SPON1: variants seen among roughly 807,000 people sequenced by gnomAD.
SPON1 encodes the protein spondin-1.
A neutral mutation model predicts 111.7 loss-of-function variants in SPON1; 52 were observed. The ratio of observed to expected loss-of-function variants is 0.47; its 90% CI spans 0.37 to 0.59. The LOEUF (loss-of-function observed/expected upper bound fraction) is 0.59. SPON1 is among the 20% of genes least tolerant of loss of function. The pLI is 0.00. For missense variants in SPON1, 957 were observed against 1,068.5 expected (o/e 0.90, Z 1.46); for synonymous variants, 410 against 395.8 (o/e 1.04, Z -0.43).
At chr11:14,142,588 T>C (rs1554928886) in intron 6 of SPON1, among the ~76,000 whole-genome samples, 1 of 152,200 alleles carries the variant, frequency 6.6e-6, no homozygotes, top group Non-Finnish European at 1.5e-5. Context: ...CCTCCCTTCC[T>C]TGGAACAGCC....
chr11:14,134,096 G>A (rs1345979180), intron 5 of SPON1, among the ~76,000 whole-genome samples: 8 of 151,702 alleles, frequency 5.3e-5, no homozygotes, highest in African/African-American at 1.9e-4. Flanking sequence ...CAGTAATGGG[G>A]TGAAGAGTTC....
intron 6 of SPON1, among the ~76,000 whole-genome samples, chr11:14,146,381 C>T (rs10832198): frequency 0.29 from 44,130 of 151,952 alleles, 6,663 homozygotes; most frequent in African/African-American, 0.36. Context: ...AACTCCTGAC[C>T]TCAGGTGATC....
intron 5 of SPON1, among the ~76,000 whole-genome samples, chr11:14,106,968 G>A (rs1189169293): frequency 6.6e-6 from 1 of 152,156 alleles, no homozygotes; most frequent in East Asian, 1.9e-4. Flanking sequence ...GGCTTAGGAC[G>A]AAGCAAAACT....
At chr11:14,013,092 G>A (rs1258837819) in intron 2 of SPON1, among the ~76,000 whole-genome samples, 3 of 152,102 alleles carry the variant, frequency 2.0e-5, no homozygotes, top group African/African-American at 7.2e-5. Context: ...AAATCACTTT[G>A]CTTCAGCCTG....
At chr11:14,095,319 C>T (rs1849090726) in intron 5 of SPON1, among the ~76,000 whole-genome samples, 1 of 152,068 alleles carries the variant, frequency 6.6e-6, no homozygotes, top group Non-Finnish European at 1.5e-5. Flanking sequence ...GCCCTTCTTT[C>T]TCAATCTAAC....
chr11:14,063,280 G>A lies in SPON1; in HGVS notation c.480-12065G>A, dbSNP rs1009909953. Among the ~76,000 whole-genome samples the A allele has an allele frequency of 2.0e-5, 3 of 151,910 alleles. No homozygotes were observed. In the East Asian group the frequency reaches 5.8e-4, roughly 29 times the overall value. On this transcript the variant is annotated intron_variant, in intron 3 of 15. Transcript: ENST00000576479. ...CAAGTCTCCCAACATAAACATGAGT[G>A]GTTTACCATTAAAATAAAAAAAATT...
chr11:14,235,895 G>A (rs1848860242), intron 6 of SPON1, among the ~76,000 whole-genome samples: 1 of 152,118 alleles, frequency 6.6e-6, no homozygotes, highest in Non-Finnish European at 1.5e-5. Context: ...CTGGTATCTG[G>A]GAGAACAGCA....
intron 2 of SPON1, among the ~76,000 whole-genome samples, chr11:14,017,336 GTGTCAAAA>G (rs1848451039): frequency 6.6e-6 from 1 of 152,066 alleles, no homozygotes; most frequent in Admixed American, 6.6e-5. Context: ...AAAAAAATCA[GTGTCAAAA>G]TGTTTTGTTT....
intron 1 of SPON1, among the ~76,000 whole-genome samples, chr11:13,968,109 C>G (rs1440614393): frequency 2.6e-5 from 4 of 152,220 alleles, no homozygotes; most frequent in African/African-American, 9.6e-5. Flanking sequence ...CACTCTCACA[C>G]TGTCCATTTG....
chr11:14,219,139 C>T (rs1046194101), intron 6 of SPON1, among the ~76,000 whole-genome samples: 3 of 152,148 alleles, frequency 2.0e-5, no homozygotes, highest in Non-Finnish European at 4.4e-5. Flanking sequence ...ATGCTGTCAG[C>T]CATTCATCTA....
intron 2 of SPON1, among the ~76,000 whole-genome samples, chr11:14,014,687 G>A (rs10832155): frequency 0.31 from 47,366 of 152,038 alleles, 8,269 homozygotes; most frequent in South Asian, 0.51. Flanking sequence ...AAATGGAGGA[G>A]CACCTGCCAT....
intron 2 of SPON1, among the ~76,000 whole-genome samples, chr11:14,039,621 G>T (rs1351721907): frequency 1.3e-5 from 2 of 152,092 alleles, no homozygotes; most frequent in Non-Finnish European, 2.9e-5. Context: ...AAATGTGAAA[G>T]GGAAAATTAT....
At chr11:14,172,321 CTT>C (rs1294895721) in intron 6 of SPON1, among the ~76,000 whole-genome samples, 2 of 151,690 alleles carry the variant, frequency 1.3e-5, no homozygotes, top group Non-Finnish European at 2.9e-5. Context: ...CAACCCCTGC[CTT>C]TTTTTGTTTT....
At chr11:14,221,349 C>T (rs1848678575) in intron 6 of SPON1, among the ~76,000 whole-genome samples, 1 of 152,126 alleles carries the variant, frequency 6.6e-6, no homozygotes, top group African/African-American at 2.4e-5. Flanking sequence ...CCATTTTATA[C>T]ATGAAGAAAC....
intron 2 of SPON1, among the ~76,000 whole-genome samples, chr11:14,005,031 T>G (rs1848348297): frequency 6.6e-6 from 1 of 152,182 alleles, no homozygotes; most frequent in Non-Finnish European, 1.5e-5. Context: ...CTATGCCTTT[T>G]CATTTTGTTG....
chr11:14,132,273 G>A lies in SPON1; in HGVS notation c.677-3147G>A, dbSNP rs114056167. Among the ~76,000 whole-genome samples the A allele has an allele frequency of 2.8e-3, 418 of 150,396 alleles. 1 individual carries two copies. Among genetic ancestry groups the A allele is most frequent in the African/African-American group, 9.9e-3 (407 of 40,914 alleles). The stretch of plus-strand genomic sequence containing the variant: ...AGCCCAGGCAACAGTACAAGACTCC[G>A]TCTCAAAAAAAAAAAAATTGAATTA... On this transcript the variant is annotated intron_variant, in intron 5 of 15. Coordinates refer to ENST00000576479, the MANE Select transcript of SPON1 (RefSeq NM_006108.4).
intron 14 of SPON1, among the ~76,000 whole-genome samples, chr11:14,262,033 C>A (rs1334305186): frequency 2.6e-5 from 4 of 152,140 alleles, no homozygotes; most frequent in African/African-American, 9.7e-5. Flanking sequence ...TCCTGACAGT[C>A]AAACTGATGT....
chr11:13,993,604 G>A (rs1255048657), intron 2 of SPON1, among the ~76,000 whole-genome samples: 2 of 152,092 alleles, frequency 1.3e-5, no homozygotes, highest in East Asian at 3.9e-4. Flanking sequence ...CACCCTGAGC[G>A]AGGCTCTTTC....
rs1554941671 is a variant in SPON1 at position 14,259,469 on chromosome 11, C to T, written c.1663+19C>T. The T allele has an allele frequency of 2.1e-5, 34 of 1,594,546 alleles. No individual in the cohort carries two copies. The highest frequency in any genetic ancestry group is 2.6e-5 in the Non-Finnish European group (30 of 1,170,558). ...GAGTGCTGTGAGTGGGGGCCCCGGG[C>T]GGGCAGGCGGGCAAGTAGGTCGGGG... is the stretch of plus-strand genomic sequence containing the variant. On this transcript the variant is annotated intron_variant, in intron 12 of 15. Transcript: ENST00000576479. The surrounding 1 kb of genome is among the most constrained non-coding windows in gnomAD (Gnocchi z 5.0).
Sources: allele counts gnomAD v4.1 joint callset (sites outside exome capture counted in the v4.1 genomes callset), GRCh38; gene constraint gnomAD v4.1.1; non-coding constraint Gnocchi (gnomAD v3.1); transcripts MANE v1.5; gene names NCBI Gene and HGNC (gene_info 2026-07-23, HGNC 2026-07-21).